Variants in STX8 observed in about 807,000 individuals in gnomAD.
STX8 encodes the protein syntaxin 8.
STX8 carries 23 observed loss-of-function variants against 37.5 expected under a neutral mutation model. The ratio of observed to expected loss-of-function variants is 0.61; its 90% CI spans 0.44 to 0.87. STX8 has a LOEUF of 0.87. Among genes scored for constraint, STX8 ranks in the 40% least tolerant of loss-of-function variants. The pLI is 0.00. For synonymous variants in STX8, 115 were observed against 99.1 expected, an observed-to-expected ratio of 1.16 and a Z score of -0.95; for missense variants, 313 against 284.7, an observed-to-expected ratio of 1.10 and a Z score of -0.71.
At chr17:9,536,623 CT>C (rs932013093) in intron 4 of STX8, among the ~76,000 whole-genome samples, 1 of 152,128 alleles carries the variant, frequency 6.6e-6, no homozygotes, top group African/African-American at 2.4e-5. Flanking sequence ...ACAACCTTCC[CT>C]TCTGGTGTTC....
chr17:9,501,749 G>A (rs947632605), intron 5 of STX8, among the ~76,000 whole-genome samples: 10 of 151,828 alleles, frequency 6.6e-5, no homozygotes, highest in African/African-American at 9.7e-5. Flanking sequence ...CGAGGCAGGC[G>A]GATCACGAGG....
intron 6 of STX8, among the ~76,000 whole-genome samples, chr17:9,468,842 G>T (rs1176334264): frequency 6.6e-6 from 1 of 152,138 alleles, no homozygotes; most frequent in East Asian, 1.9e-4. Context: ...CTTCCCAGGG[G>T]GCTGTCGTCA....
chr17:9,300,549 C>T (rs1178578451), intron 7 of STX8, among the ~76,000 whole-genome samples: 9 of 151,990 alleles, frequency 5.9e-5, no homozygotes, highest in East Asian at 3.9e-4. Context: ...TTATAGCTAT[C>T]GTGAATGCAA....
intron 6 of STX8, chr17:9,452,605 G>A (rs1424544157): frequency 6.6e-6 from 1 of 152,160 alleles, no homozygotes; most frequent in Non-Finnish European, 1.5e-5. Flanking sequence ...CCTGGCAGTA[G>A]CTTTGGCTCT....
chr17:9,270,681 C>A (rs535367847), intron 7 of STX8, among the ~76,000 whole-genome samples: 1 of 152,086 alleles, frequency 6.6e-6, no homozygotes. Flanking sequence ...AAGAAATGAA[C>A]GAATGAAAGC....
intron 7 of STX8, among the ~76,000 whole-genome samples, chr17:9,296,629 TAAAAAA>T (rs56185238): frequency 1.4e-5 from 2 of 140,318 alleles, no homozygotes; most frequent in Non-Finnish European, 3.1e-5. Flanking sequence ...GTTGAAAGAC[TAAAAAA>T]AAAAAAAAAC....
At chr17:9,282,677 A>G (rs975280060) in intron 7 of STX8, among the ~76,000 whole-genome samples, 1 of 152,174 alleles carries the variant, frequency 6.6e-6, no homozygotes, top group African/African-American at 2.4e-5. Context: ...GCTATTCATC[A>G]CGGTGGAAAG....
At chr17:9,257,504 CGA>C (rs1391769578) in intron 7 of STX8, among the ~76,000 whole-genome samples, 5 of 152,206 alleles carry the variant, frequency 3.3e-5, no homozygotes, top group Non-Finnish European at 5.9e-5. Flanking sequence ...GCTGACTTTT[CGA>C]GAGAGTGTGG....
At chr17:9,543,432 T>C (rs962137627) in intron 4 of STX8, among the ~76,000 whole-genome samples, 1 of 152,140 alleles carries the variant, frequency 6.6e-6, no homozygotes, top group African/African-American at 2.4e-5. Flanking sequence ...TAGCTGGGAC[T>C]ACAGGTGCCC....
chr17:9,253,305 G>A lies in STX8; in HGVS notation c.644-2660C>T, dbSNP rs145530443. ...TACGGGTGTGTGTGTGTATGCGTAT[G>A]TGTGTGTATGTGAGAATATCTTAGT... On this transcript the variant is annotated intron_variant, in intron 7 of 7. Transcript: ENST00000306357. Among the ~76,000 whole-genome samples the A allele has an allele frequency of 3.8e-3, 583 of 152,080 alleles. 3 individuals are homozygous for A. Among genetic ancestry groups the A allele is most frequent in the South Asian group, 0.021 (100 of 4,802 alleles).
At chr17:9,390,662 C>T (rs1435506967) in intron 6 of STX8, among the ~76,000 whole-genome samples, 1 of 140,706 alleles carries the variant, frequency 7.1e-6, no homozygotes, top group Non-Finnish European at 1.5e-5. Context: ...CCTGTCTCTA[C>T]TAAAAATACA....
chr17:9,289,997 T>C (rs1008309417), intron 7 of STX8, among the ~76,000 whole-genome samples: 1 of 152,156 alleles, frequency 6.6e-6, no homozygotes, highest in East Asian at 1.9e-4. Context: ...TGCCTGAGCA[T>C]GTGTGTGGGC....
intron 6 of STX8, among the ~76,000 whole-genome samples, chr17:9,425,439 C>T (rs1427726399): frequency 1.3e-5 from 2 of 152,058 alleles, no homozygotes; most frequent in Non-Finnish European, 2.9e-5. Flanking sequence ...TGACATGATT[C>T]TTTTGATTGT....
At chr17:9,397,425 T>C (rs555656862) in intron 6 of STX8, among the ~76,000 whole-genome samples, 9 of 151,824 alleles carry the variant, frequency 5.9e-5, no homozygotes, top group Non-Finnish European at 1.3e-4. Context: ...CAAAACCAAT[T>C]AAGGACATGA....
chr17:9,397,548 T>C (rs997638960), intron 6 of STX8, among the ~76,000 whole-genome samples: 5 of 152,148 alleles, frequency 3.3e-5, no homozygotes, highest in South Asian at 2.1e-4. Flanking sequence ...AAACCCACAT[T>C]GTATGTCAGA....
At position 9,420,631 on chromosome 17, in the gene STX8, C is replaced by T. The variant is rs138312590; in HGVS notation, c.542-41978G>A. On this transcript the variant is annotated intron_variant, in intron 6 of 7. Coordinates refer to ENST00000306357, the MANE Select transcript of STX8 (RefSeq NM_004853.3). Reference sequence around the variant, plus strand: ...TAAGCTTCCTTCTTCCTTTCAACACCAACCTTCTTGAGAGGTTAAGTCTAC... The same window carrying T: ...TAAGCTTCCTTCTTCCTTTCAACACTAACCTTCTTGAGAGGTTAAGTCTAC... Among the ~76,000 whole-genome samples the T allele has an allele frequency of 1.6e-3, 244 of 152,272 alleles. 2 individuals are homozygous for T. Among genetic ancestry groups the T allele is most frequent in the African/African-American group, 5.1e-3 (213 of 41,558 alleles).
intron 7 of STX8, among the ~76,000 whole-genome samples, chr17:9,275,836 C>T (rs1017039439): frequency 2.6e-5 from 4 of 151,412 alleles, no homozygotes; most frequent in African/African-American, 9.8e-5. Context: ...CCACTGCACT[C>T]CAGCCTGGTC....
In STX8 at chr17:9,431,339, G is replaced by C. The variant is rs189478008; in HGVS notation, c.542-52686C>G. Among the ~76,000 whole-genome samples the C allele has an allele frequency of 2.6e-5, 4 of 151,576 alleles. No individual in the cohort carries two copies. In the East Asian group the frequency reaches 7.8e-4, roughly 30 times the overall value. ...CTGCCTCGGCCTCCCAAAGTGCTGG[G>C]ATTACAGGTGTGAGCCACTGCGCCT... On this transcript the variant is annotated intron_variant, in intron 6 of 7. Coordinates refer to ENST00000306357, the MANE Select transcript of STX8 (RefSeq NM_004853.3).
At position 9,456,783 on chromosome 17, in the gene STX8, A is replaced by G. The variant is rs116865400; in HGVS notation, c.541+35046T>C. ...TCAAATAATTTATCCATCTTTCCAA[A>G]CATCTTTTGTGTCTTTTATTTTTAA... On this transcript the variant is annotated intron_variant, in intron 6 of 7. Transcript: ENST00000306357. Among the ~76,000 whole-genome samples the G allele has an allele frequency of 7.9e-4, 121 of 152,232 alleles. No individual in the cohort carries two copies. The East Asian group carries it at 0.022, about 28-fold the overall frequency.
Sources: gnomAD v4.1 joint callset for allele counts (sites outside exome capture counted in the v4.1 genomes callset) on GRCh38, gnomAD v4.1.1 for gene constraint, MANE v1.5 for transcripts, NCBI Gene and HGNC (gene_info 2026-07-23, HGNC 2026-07-21) for gene names.